The following DNA2 variants were observed in gnomAD, a reference collection of about 807,000 sequenced individuals.
DNA2 encodes the protein DNA replication helicase/nuclease 2, also known as DNA replication ATP-dependent helicase/nuclease DNA2.
DNA2 carries 101 observed loss-of-function variants against 119.1 expected under a neutral mutation model. The observed-to-expected ratio is 0.85, with a 90% confidence interval of 0.72 to 1.00. The LOEUF is 1.00. DNA2 is among the 50% of genes least tolerant of loss of function. The probability of loss-of-function intolerance (pLI) is 0.00; values close to 1 mark genes in which losing one functional copy is unlikely to be tolerated. For synonymous variants in DNA2, 366 were observed against 424.4 expected (o/e 0.86, Z 1.69); for missense variants, 1,121 against 1,255.5 (o/e 0.89, Z 1.62).
At chr10:68,426,296 G>C (rs1480687291) in intron 14 of DNA2, among the ~76,000 whole-genome samples, 2 of 151,618 alleles carry the variant, frequency 1.3e-5, no homozygotes, top group East Asian at 3.9e-4. Flanking sequence ...CCAGCACTTT[G>C]GGAGACTGAG....
chr10:68,470,446 G>A, intron 1 of DNA2: 1 of 366,510 alleles, frequency 2.7e-6, no homozygotes, highest in South Asian at 2.4e-5. Context: ...TCATTACAAT[G>A]AGGATTAAGA....
rs759250976 is a variant in DNA2, at chr10:68,459,122, G to C, written c.701C>G (p.Pro234Arg). The C allele has an allele frequency of 1.3e-5, 21 of 1,599,888 alleles. No homozygotes were observed. Among genetic ancestry groups the C allele is most frequent in the Admixed American group, 1.7e-5 (1 of 57,890 alleles). Residue 234 changes from proline to arginine, a missense_variant, in exon 5 of 21, where the codon CCT becomes CGT. Pro to Arg is a moderately radical substitution (Grantham distance 103, BLOSUM62 -2). Transcript: ENST00000358410. ...TTCTTACAGAGAGAGCTGCATCTGA[G>C]GGAAGTCAGTCGAAGTGTTTTTATG... Reference protein sequence around the residue: ...FMHKNTSTDFPQMQLSLPSDN... With the variant: ...FMHKNTSTDFRQMQLSLPSDN...
Position 68,430,678 on chromosome 10 carries a change from A to T in DNA2, c.1984-18T>A. 2.7e-6 allele frequency: 4 copies of T among 1,482,136 alleles called. No homozygotes were observed. Among genetic ancestry groups the T allele is most frequent in the Non-Finnish European group, 3.6e-6 (4 of 1,104,474 alleles). The allele number at this position is 1,482,136 out of a possible 1,614,324, so 91.8% of individuals were successfully genotyped here. On this transcript the variant is annotated intron_variant, in intron 13 of 20. Coordinates refer to ENST00000358410, the MANE Select transcript of DNA2 (RefSeq NM_001080449.3). The stretch of plus-strand genomic sequence containing the variant: ...ATTCTTACCTAATAATGGGTAAGAG[A>T]AAAAAGAAAAAACAGCCTTACTTTT...
intron 17 of DNA2, among the ~76,000 whole-genome samples, chr10:68,421,611 GGT>G (rs970056414): frequency 2.6e-5 from 4 of 151,842 alleles, no homozygotes; most frequent in African/African-American, 9.7e-5. Flanking sequence ...AAATTAGTCT[GGT>G]GTGGTGGTGG....
intron 4 of DNA2, among the ~76,000 whole-genome samples, 180 bp from the exon 5 acceptor site, chr10:68,459,415 G>A (rs571911657): frequency 2.0e-5 from 3 of 152,310 alleles, no homozygotes; most frequent in South Asian, 2.1e-4. Flanking sequence ...TCCATACAAT[G>A]CAGTATTATT....
intron 9 of DNA2, among the ~76,000 whole-genome samples, chr10:68,442,185 G>A (rs957257837): frequency 1.3e-5 from 2 of 151,388 alleles, no homozygotes; most frequent in African/African-American, 4.9e-5. Flanking sequence ...AAAGTGCTGG[G>A]ATTACAGGCA....
At position 68,414,541 on chromosome 10, in the gene DNA2, A is replaced by C. The variant is rs1002338288; in HGVS notation, c.*498T>G. Reference sequence around the variant, plus strand: ...TAAGGGAGGATAGAAAATTAACAGGAAGTAATCAATTCATGTCATAAAAGA... The same window carrying C: ...TAAGGGAGGATAGAAAATTAACAGGCAGTAATCAATTCATGTCATAAAAGA... On this transcript the variant is annotated 3_prime_UTR_variant, in exon 21 of 21. Transcript: ENST00000358410. The C allele has an allele frequency of 6.6e-6, 1 of 152,278 alleles. No individual in the cohort carries two copies. Among genetic ancestry groups the C allele is most frequent in the Admixed American group, 6.6e-5 (1 of 15,264 alleles). 9.4% of individuals were successfully genotyped at this position (152,278 alleles called of 1,614,324 possible).
intron 20 of DNA2, among the ~76,000 whole-genome samples, chr10:68,415,478 G>T (rs2051576770): frequency 2.0e-5 from 3 of 151,910 alleles, no homozygotes; most frequent in South Asian, 2.1e-4. Flanking sequence ...GTTTCTCCAT[G>T]CTGGTCAGGC....
At chr10:68,440,352 T>C (rs1421605189) in intron 9 of DNA2, among the ~76,000 whole-genome samples, 1 of 152,092 alleles carries the variant, frequency 6.6e-6, no homozygotes, top group Non-Finnish European at 1.5e-5. Context: ...GGCTGGAGTA[T>C]AGTGGCACAA....
At chr10:68,438,090 A>G (rs2051915901) in intron 9 of DNA2, among the ~76,000 whole-genome samples, 1 of 152,180 alleles carries the variant, frequency 6.6e-6, no homozygotes, top group African/African-American at 2.4e-5. Context: ...TGTTGCACCC[A>G]CAGGCTGGGA....
intron 5 of DNA2, among the ~76,000 whole-genome samples, chr10:68,451,446 T>C (rs960164114): frequency 6.6e-5 from 10 of 152,178 alleles, no homozygotes; most frequent in Non-Finnish European, 7.3e-5. Context: ...TCCTCTCTTA[T>C]CTAAGATTTA....
intron 9 of DNA2, among the ~76,000 whole-genome samples, chr10:68,440,362 A>G (rs2051952273): frequency 6.6e-6 from 1 of 152,046 alleles, no homozygotes; most frequent in Non-Finnish European, 1.5e-5. Flanking sequence ...TAGTGGCACA[A>G]TCTTGGCTGA....
chr10:68,435,461 A>ATAT (rs2051875766), intron 10 of DNA2, among the ~76,000 whole-genome samples: 2 of 151,686 alleles, frequency 1.3e-5, no homozygotes, highest in Non-Finnish European at 2.9e-5. Flanking sequence ...ATACACATAT[A>ATAT]TATATATATT....
At chr10:68,417,953 T>A (rs961970890) in intron 19 of DNA2, among the ~76,000 whole-genome samples, 1 of 152,194 alleles carries the variant, frequency 6.6e-6, no homozygotes, top group Non-Finnish European at 1.5e-5. Flanking sequence ...CTTAGATTAG[T>A]CAAATTCAGA....
In DNA2 at chr10:68,415,275, CTT is replaced by C. The variant is rs549702509; in HGVS notation, c.3115-170_3115-169del. 2.8e-4 allele frequency among the ~76,000 whole-genome samples: 39 copies of C among 138,818 alleles called. No homozygotes were observed. In the East Asian group the frequency reaches 3.7e-3, roughly 13 times the overall value. The allele number at this position is 138,818 out of a possible 152,430, so 91.1% of individuals were successfully genotyped here. A position where few individuals can be genotyped will look rare whatever the true frequency, so the allele number is the denominator to read the frequency against. ...CCTTTAAGCAACAGGAGTTATTTATCTTTTTTTTTTTTTTTTCTGAGATGGAG... is the reference window on the plus strand; with the variant it reads ...CCTTTAAGCAACAGGAGTTATTTATCTTTTTTTTTTTTTTCTGAGATGGAG... On this transcript the variant is annotated intron_variant, in intron 20 of 20. Coordinates refer to ENST00000358410, the MANE Select transcript of DNA2 (RefSeq NM_001080449.3).
At chr10:68,432,658 A>G in intron 10 of DNA2, 148 bp from the exon 11 acceptor site, 1 of 639,120 alleles carries the variant, frequency 1.6e-6, no homozygotes, top group Non-Finnish European at 2.8e-6. Flanking sequence ...AATCAAGGAC[A>G]GCATGAGGCC....
intron 14 of DNA2, among the ~76,000 whole-genome samples, chr10:68,429,884 T>G (rs2051796643): frequency 7.8e-6 from 1 of 128,230 alleles, no homozygotes; most frequent in Admixed American, 7.9e-5. Context: ...AAACCCGGAT[T>G]TTTTTTTTTT....
intron 19 of DNA2, among the ~76,000 whole-genome samples, chr10:68,418,315 G>A (rs2051618193): frequency 6.6e-6 from 1 of 151,484 alleles, no homozygotes; most frequent in Non-Finnish European, 1.5e-5. Flanking sequence ...GGGAGGCTGA[G>A]ACGGAAGAGT....
Position 68,470,044 on chromosome 10 carries a change from C to T in DNA2, c.194G>A (p.Arg65His), listed in dbSNP as rs182312393. The T allele has an allele frequency of 1.7e-4, 271 of 1,613,574 alleles. No homozygotes were observed. The highest frequency in any genetic ancestry group is 2.2e-4 in the Non-Finnish European group (260 of 1,179,826). Residue 65 changes from arginine (R) to histidine (H), a missense_variant, in exon 2 of 21, where the codon CGC becomes CAC. Transcript: ENST00000358410. Reference protein sequence around the residue: ...VQNKEGNCEKRLVITASQSLE... With the variant: ...VQNKEGNCEKHLVITASQSLE... ...TGACTGTGAAGCAGTGATGACCAGG[C>T]GCTTTTCACAGTTTCCCTCTTTGTT... is the stretch of plus-strand genomic sequence containing the variant.
Sources: gnomAD v4.1 joint callset for allele counts (sites outside exome capture counted in the v4.1 genomes callset) on GRCh38, gnomAD v4.1.1 for gene constraint, MANE v1.5 for transcripts, NCBI Gene and HGNC (gene_info 2026-07-23, HGNC 2026-07-21) for gene names.